Variants in PCCA observed in about 807,000 individuals in gnomAD.
The protein encoded by PCCA is propionyl-CoA carboxylase subunit alpha, also known as propionyl-CoA carboxylase alpha chain, mitochondrial.
In PCCA, 74 loss-of-function variants were observed where a neutral mutation model predicts 101.3. That is an observed-to-expected ratio of 0.73 (90% CI 0.61 to 0.89). The LOEUF is 0.89. Among genes scored for constraint, PCCA ranks in the 40% least tolerant of loss-of-function variants. The pLI is 0.00. For synonymous variants in PCCA, 294 were observed against 313.6 expected (o/e 0.94, Z 0.66); for missense variants, 891 against 907.0 (o/e 0.98, Z 0.23).
chr13:100,188,730 G>T (rs968241505), intron 6 of PCCA, among the ~76,000 whole-genome samples: 2 of 151,964 alleles, frequency 1.3e-5, no homozygotes. Flanking sequence ...AATATTTTTT[G>T]ATTTTTTGAT....
intron 12 of PCCA, among the ~76,000 whole-genome samples, chr13:100,293,538 A>G (rs964758636): frequency 1.1e-4 from 17 of 152,318 alleles, no homozygotes; most frequent in African/African-American, 3.8e-4. Flanking sequence ...TTGGTCTTTT[A>G]TGGAATTGGA....
chr13:100,301,831 T>A (rs1013227736), intron 13 of PCCA, among the ~76,000 whole-genome samples: 9 of 152,224 alleles, frequency 5.9e-5, no homozygotes, highest in Non-Finnish European at 1.2e-4. Context: ...GGGAAATAGC[T>A]ACCAATCCTT....
chr13:100,137,268 A>G (rs2051296754), intron 4 of PCCA, among the ~76,000 whole-genome samples: 1 of 152,106 alleles, frequency 6.6e-6, no homozygotes, highest in Non-Finnish European at 1.5e-5. Context: ...TTTCTGATCC[A>G]GGTATGACCT....
At chr13:100,186,021 G>A (rs2057234040) in intron 6 of PCCA, among the ~76,000 whole-genome samples, 1 of 152,132 alleles carries the variant, frequency 6.6e-6, no homozygotes, top group African/African-American at 2.4e-5. Context: ...ATTATTAGAA[G>A]TTTGAGTCTT....
At chr13:100,341,997 G>GTA (rs146304987) in intron 18 of PCCA, among the ~76,000 whole-genome samples, 55,738 of 129,948 alleles carry the variant, frequency 0.43, 12,406 homozygotes, top group Middle Eastern at 0.5. Flanking sequence ...TTATGTGTGT[G>GTA]TATATATATG....
At chr13:100,510,799 A>C (rs2086423681) in intron 21 of PCCA, among the ~76,000 whole-genome samples, 1 of 152,242 alleles carries the variant, frequency 6.6e-6, no homozygotes, top group Non-Finnish European at 1.5e-5. Flanking sequence ...AGCTACCTTG[A>C]GACTGCACTG....
At chr13:100,243,659 C>T (rs1371886952) in intron 8 of PCCA, among the ~76,000 whole-genome samples, 1 of 152,188 alleles carries the variant, frequency 6.6e-6, no homozygotes, top group East Asian at 1.9e-4. Context: ...AAGTCTTTTA[C>T]TGAACCTTAT....
intron 22 of PCCA, among the ~76,000 whole-genome samples, chr13:100,520,897 T>C (rs2087234300): frequency 6.6e-6 from 1 of 152,156 alleles, no homozygotes; most frequent in Non-Finnish European, 1.5e-5. Flanking sequence ...GAAGGTGTTT[T>C]CTTTGTTTTC....
At chr13:100,171,573 C>T (rs1182341227) in intron 6 of PCCA, among the ~76,000 whole-genome samples, 1 of 152,224 alleles carries the variant, frequency 6.6e-6, no homozygotes, top group East Asian at 1.9e-4. Context: ...CTGTTGCTTA[C>T]CACTTTACTT....
intron 15 of PCCA, among the ~76,000 whole-genome samples, chr13:100,308,615 C>T (rs1409103813): frequency 2.0e-5 from 3 of 152,054 alleles, no homozygotes; most frequent in Non-Finnish European, 4.4e-5. Context: ...CGTGAGCCAC[C>T]GTGGTTGGCC....
chr13:100,322,250 C>T (rs1179339466), intron 16 of PCCA, among the ~76,000 whole-genome samples: 1 of 152,112 alleles, frequency 6.6e-6, no homozygotes. Context: ...AAAGGAAGCT[C>T]AAGCAAGCAA....
chr13:100,160,920 T>G (rs529220030), intron 6 of PCCA: 9 of 152,092 alleles, frequency 5.9e-5, no homozygotes, highest in African/African-American at 2.2e-4. Flanking sequence ...GTTATAGTAA[T>G]TAGTTTCAAG....
chr13:100,172,066 T>G (rs1293033596), intron 6 of PCCA, among the ~76,000 whole-genome samples: 2 of 151,606 alleles, frequency 1.3e-5, no homozygotes, highest in Admixed American at 6.6e-5. Flanking sequence ...CTGGGTGTGT[T>G]GGCATGCGCC....
chr13:100,370,632 C>T (rs929711427), intron 19 of PCCA, among the ~76,000 whole-genome samples: 2 of 152,034 alleles, frequency 1.3e-5, no homozygotes, highest in African/African-American at 4.8e-5. Context: ...ATCAATAGCC[C>T]AATGAAAGGC....
Position 100,446,980 on chromosome 13 carries a change from C to T in PCCA, c.1846-2272C>T, listed in dbSNP as rs974229307. Among the ~76,000 whole-genome samples the T allele has an allele frequency of 3.3e-5, 5 of 152,278 alleles. No individual in the cohort carries two copies. The South Asian group carries it at 8.3e-4, about 25-fold the overall frequency. On this transcript the variant is annotated intron_variant, in intron 20 of 23. Coordinates refer to ENST00000376285, the MANE Select transcript of PCCA (RefSeq NM_000282.4). ...AATTTACTTAGCTAGTGTCTTTCCC[C>T]GTCATTTACATTTCTTGCCATTGTT...
chr13:100,312,718 T>G (rs368420546), intron 16 of PCCA, among the ~76,000 whole-genome samples: 1 of 152,230 alleles, frequency 6.6e-6, no homozygotes, highest in East Asian at 1.9e-4. Context: ...TAAATTACAA[T>G]GCATTATTAC....
chr13:100,117,828 A>G (rs2048949877), intron 4 of PCCA, among the ~76,000 whole-genome samples: 1 of 152,084 alleles, frequency 6.6e-6, no homozygotes, highest in South Asian at 2.1e-4. Flanking sequence ...AAAAAGAAAA[A>G]AAAAGAGGCC....
chr13:100,305,494 A>G (rs2066375854), intron 14 of PCCA, among the ~76,000 whole-genome samples: 1 of 152,228 alleles, frequency 6.6e-6, no homozygotes, highest in Admixed American at 6.5e-5. Context: ...ATGTAGTTAA[A>G]GTCAGAAGTT....
chr13:100,488,273 A>T (rs1035600389), intron 21 of PCCA, among the ~76,000 whole-genome samples: 3 of 152,052 alleles, frequency 2.0e-5, no homozygotes, highest in Non-Finnish European at 4.4e-5. Flanking sequence ...TTGCATTTTT[A>T]GTAGAGACAG....
Sources: allele counts gnomAD v4.1 joint callset (sites outside exome capture counted in the v4.1 genomes callset), GRCh38; gene constraint gnomAD v4.1.1; transcripts MANE v1.5; gene names NCBI Gene and HGNC (gene_info 2026-07-23, HGNC 2026-07-21).